Variants in SLCO2A1 observed in about 807,000 individuals in gnomAD.
SLCO2A1 encodes matrin F/G 1.
Under a neutral mutation model 71.7 loss-of-function variants are expected in SLCO2A1, and 60 were observed. The observed-to-expected ratio is 0.84, with a 90% confidence interval of 0.68 to 1.04. SLCO2A1 has a LOEUF of 1.04. Ranked by LOEUF, SLCO2A1 falls within the 50% of genes least tolerant of loss-of-function variation. The probability of loss-of-function intolerance (pLI) is 0.00; values close to 1 mark genes in which losing one functional copy is unlikely to be tolerated. For synonymous variants in SLCO2A1, 308 were observed against 326.7 expected (o/e 0.94, Z 0.62); for missense variants, 745 against 813.4 (o/e 0.92, Z 1.02).
intron 12 of SLCO2A1, among the ~76,000 whole-genome samples, chr3:133,936,118 T>C (rs1268388522): frequency 6.6e-6 from 1 of 152,260 alleles, no homozygotes; most frequent in African/African-American, 2.4e-5. Flanking sequence ...TGGGCCATTC[T>C]TTCAAGTCAG....
In SLCO2A1 at chr3:134,029,741, C is replaced by T; in HGVS notation, c.62G>A (p.Gly21Asp). ...QGSDTSTSRA[G>D]RCARSVFGNI... is the part of the protein sequence containing the mutation. ...GCCGAAGACCGAGCGGGCACAGCGGCCGGCTCGGCTAGTAGAGGTGTCGCT... is the reference window on the plus strand; with the variant it reads ...GCCGAAGACCGAGCGGGCACAGCGGTCGGCTCGGCTAGTAGAGGTGTCGCT... Residue 21 changes from glycine (G) to aspartate (D), a missense_variant, in exon 1 of 14, where the codon GGC (glycine) becomes GAC (aspartate). By Grantham distance (94) the Gly-to-Asp change is moderately conservative. Transcript: ENST00000310926. The T allele has an allele frequency of 6.3e-7, 1 of 1,588,636 alleles. No homozygotes were observed. The highest frequency in any genetic ancestry group is 8.5e-7 in the Non-Finnish European group (1 of 1,171,630).
rs74538122 is a variant in SLCO2A1 at position 133,996,290 on chromosome 3, C to T, written c.97-16672G>A. Among the ~76,000 whole-genome samples the T allele has an allele frequency of 6.7e-4, 102 of 152,336 alleles. 2 individuals carry two copies. In the East Asian group the frequency reaches 0.019, roughly 28 times the overall value. Reference sequence around the variant, plus strand: ...ACCTCCCAACAAACCACAACACACTCGGCCTTTTCAAAGCCACAGTGGGGG... The same window carrying T: ...ACCTCCCAACAAACCACAACACACTTGGCCTTTTCAAAGCCACAGTGGGGG... On this transcript the variant is annotated intron_variant, in intron 1 of 13. Coordinates refer to ENST00000310926, the MANE Select transcript of SLCO2A1 (RefSeq NM_005630.3).
chr3:133,953,524 C>T, intron 5 of SLCO2A1, 139 bp downstream of exon 5: 1 of 668,450 alleles, frequency 1.5e-6, no homozygotes. Context: ...CGAGGGACTG[C>T]AGGGATGAGT....
chr3:134,007,916 G>GT (rs1935252001), intron 1 of SLCO2A1, among the ~76,000 whole-genome samples: 1 of 152,138 alleles, frequency 6.6e-6, no homozygotes, highest in Admixed American at 6.6e-5. Flanking sequence ...TTTCTTGCAA[G>GT]TTCTGCCATG....
At chr3:133,992,414 A>G (rs1344532196) in intron 1 of SLCO2A1, among the ~76,000 whole-genome samples, 1 of 152,236 alleles carries the variant, frequency 6.6e-6, no homozygotes, top group Non-Finnish European at 1.5e-5. Flanking sequence ...AACACCAGTC[A>G]TCCTAAAAAG....
intron 2 of SLCO2A1, among the ~76,000 whole-genome samples, chr3:133,976,524 A>C (rs1051619655): frequency 2.0e-5 from 3 of 152,222 alleles, no homozygotes; most frequent in Admixed American, 1.3e-4. Flanking sequence ...ATGTTGGCTT[A>C]AGACCTTGTT....
At chr3:133,948,126 A>G (rs1576429143) in intron 8 of SLCO2A1, among the ~76,000 whole-genome samples, 1 of 152,276 alleles carries the variant, frequency 6.6e-6, no homozygotes, top group Non-Finnish European at 1.5e-5. Context: ...GAATCTCTGG[A>G]CCATATATTG....
intron 1 of SLCO2A1, among the ~76,000 whole-genome samples, chr3:133,998,963 C>T (rs9873370): frequency 0.92 from 139,724 of 152,260 alleles, 65,230 homozygotes; most frequent in East Asian, 1. Flanking sequence ...TGACTCCTTG[C>T]GTATTCTAAC....
Position 134,029,747 on chromosome 3 carries a change from C to A in SLCO2A1, c.56G>T (p.Arg19Leu). ...ASQGSDTSTS[R>L]AGRCARSVFG... The stretch of plus-strand genomic sequence containing the variant: ...GACCGAGCGGGCACAGCGGCCGGCT[C>A]GGCTAGTAGAGGTGTCGCTGCCCTG... The change falls in exon 1 of 14, where the codon CGA (arginine) becomes CTA (leucine). Residue 19 changes from arginine (R) to leucine (L), a missense_variant. By Grantham distance (102) the Arg-to-Leu change is moderately radical (BLOSUM62 -2). Coordinates refer to ENST00000310926, the MANE Select transcript of SLCO2A1 (RefSeq NM_005630.3). 1 of 1,586,606 alleles carries A rather than the reference C, an allele frequency of 6.3e-7. No homozygotes were observed. The highest frequency in any genetic ancestry group is 8.5e-7 in the Non-Finnish European group (1 of 1,170,730).
At chr3:133,961,055 T>G (rs909772362) in intron 3 of SLCO2A1, among the ~76,000 whole-genome samples, 1 of 151,382 alleles carries the variant, frequency 6.6e-6, no homozygotes, top group East Asian at 1.9e-4. Context: ...TTGTGCATGA[T>G]GGGAAGGGGC....
intron 1 of SLCO2A1, among the ~76,000 whole-genome samples, chr3:134,005,039 C>T (rs146116472): frequency 1.6e-3 from 238 of 152,320 alleles, no homozygotes; most frequent in African/African-American, 5.2e-3. Flanking sequence ...CAGAGGTTTA[C>T]AGTGGAAAAC....
intron 5 of SLCO2A1, among the ~76,000 whole-genome samples, chr3:133,952,350 G>T (rs1448065232): frequency 6.6e-6 from 1 of 152,222 alleles, no homozygotes; most frequent in East Asian, 1.9e-4. Flanking sequence ...GTTGCAACTA[G>T]CACCTGCCAG....
chr3:133,991,122 CA>C (rs113300859), intron 1 of SLCO2A1, among the ~76,000 whole-genome samples: 2 of 150,320 alleles, frequency 1.3e-5, no homozygotes, highest in African/African-American at 4.9e-5. Context: ...AAAAACAAAA[CA>C]AAAAAAAACA....
intron 1 of SLCO2A1, among the ~76,000 whole-genome samples, chr3:134,011,582 C>T (rs561815619): frequency 6.6e-6 from 1 of 152,338 alleles, no homozygotes; most frequent in Non-Finnish European, 1.5e-5. Flanking sequence ...ATATACAAGG[C>T]TGGTTCTTCA....
chr3:133,982,149 G>A (rs750606788), intron 1 of SLCO2A1, among the ~76,000 whole-genome samples: 23 of 152,102 alleles, frequency 1.5e-4, no homozygotes, highest in Non-Finnish European at 2.8e-4. Flanking sequence ...ATTTGTCAAC[G>A]TTCTGTCATT....
At chr3:133,966,097 G>C (rs1934157554) in intron 3 of SLCO2A1, among the ~76,000 whole-genome samples, 2 of 152,188 alleles carry the variant, frequency 1.3e-5, no homozygotes, top group Admixed American at 6.5e-5. Context: ...AGAACTGTCT[G>C]GTCCAGAGAT....
intron 10 of SLCO2A1, among the ~76,000 whole-genome samples, chr3:133,943,152 A>T (rs1933474444): frequency 6.6e-6 from 1 of 152,178 alleles, no homozygotes; most frequent in Non-Finnish European, 1.5e-5. Flanking sequence ...TTGTGTGTTT[A>T]TTGCAGAGGG....
At position 133,979,570 on chromosome 3, in the gene SLCO2A1, T is replaced by A; in HGVS notation, c.145A>T (p.Ser49Cys). The change falls in exon 2 of 14, where the codon AGC (serine) becomes TGC (cysteine). Residue 49 changes from serine to cysteine, a missense_variant. Coordinates refer to ENST00000310926, the MANE Select transcript of SLCO2A1 (RefSeq NM_005630.3). The stretch of plus-strand genomic sequence containing the variant: ...GTGAGGCTGCTCTTGAAGTAGGCGC[T>A]GTACAGGAGTTGGCAGAGCTGCAGG... ...GLLQLCQLLY[S>C]AYFKSSLTTI... The A allele has an allele frequency of 1.2e-6, 2 of 1,614,008 alleles. No homozygotes were observed. The highest frequency in any genetic ancestry group is 1.7e-6 in the Non-Finnish European group (2 of 1,179,946).
intron 1 of SLCO2A1, among the ~76,000 whole-genome samples, chr3:134,024,886 A>G (rs1935666544): frequency 6.6e-6 from 1 of 152,184 alleles, no homozygotes; most frequent in East Asian, 1.9e-4. Context: ...CCTTGCTCCC[A>G]GTATCAGAGA....
Sources: gnomAD v4.1 joint callset for allele counts (sites outside exome capture counted in the v4.1 genomes callset) on GRCh38, gnomAD v4.1.1 for gene constraint, MANE v1.5 for transcripts, NCBI Gene and HGNC (gene_info 2026-07-23, HGNC 2026-07-21) for gene names.